The following CHRM2 variants were observed in gnomAD, a reference collection of about 807,000 sequenced individuals.
CHRM2 encodes the protein cholinergic receptor muscarinic 2.
A neutral mutation model predicts 25.0 loss-of-function variants in CHRM2; 8 were observed. The observed-to-expected ratio is 0.32, with a 90% CI of 0.19 to 0.58. The LOEUF is 0.58. Ranked by LOEUF, CHRM2 falls within the 20% of genes least tolerant of loss-of-function variation. The pLI, the probability that CHRM2 is intolerant of heterozygous loss-of-function variation, is 0.88. For missense variants in CHRM2, 440 were observed against 567.1 expected (o/e 0.78, Z 2.28); for synonymous variants, 202 against 205.7 (o/e 0.98, Z 0.15).
At chr7:136,876,152 T>C (rs753892898) in intron 2 of CHRM2, among the ~76,000 whole-genome samples, 101 of 152,194 alleles carry the variant, frequency 6.6e-4, no homozygotes, top group Non-Finnish European at 1.2e-3. Context: ...ATAATAATAA[T>C]GACATTTTTA....
chr7:136,912,012 T>C (rs1227719053), intron 2 of CHRM2, among the ~76,000 whole-genome samples: 1 of 151,946 alleles, frequency 6.6e-6, no homozygotes, highest in East Asian at 1.9e-4. Context: ...TAATGGTGAT[T>C]TCTCATTTTC....
intron 2 of CHRM2, among the ~76,000 whole-genome samples, chr7:136,939,161 A>G (rs950824466): frequency 5.9e-5 from 9 of 152,172 alleles, no homozygotes. Context: ...GCAGAAGGGA[A>G]ACTGCCACAG....
At chr7:136,944,950 A>G (rs1417524297) in intron 2 of CHRM2, among the ~76,000 whole-genome samples, 2 of 151,968 alleles carry the variant, frequency 1.3e-5, no homozygotes, top group South Asian at 4.2e-4. Flanking sequence ...TTCTTGCAGG[A>G]GTAAGGTGGT....
intron 2 of CHRM2, among the ~76,000 whole-genome samples, chr7:136,935,991 C>G (rs1385185736): frequency 6.6e-6 from 1 of 152,118 alleles, no homozygotes; most frequent in Admixed American, 6.5e-5. Context: ...CCTTCCTCTA[C>G]CTTTGGGAAA....
intron 2 of CHRM2, among the ~76,000 whole-genome samples, chr7:136,991,569 T>C (rs1458674099): frequency 2.6e-5 from 4 of 152,146 alleles, no homozygotes; most frequent in Admixed American, 6.6e-5. Flanking sequence ...ATTGTTGAGA[T>C]AGGTACCATA....
chr7:136,969,775 C>A (rs1320199857), intron 2 of CHRM2, among the ~76,000 whole-genome samples: 1 of 152,176 alleles, frequency 6.6e-6, no homozygotes, highest in Admixed American at 6.5e-5. Flanking sequence ...TATTGCTTAT[C>A]ATTTTAACAT....
At position 136,976,697 on chromosome 7, in the gene CHRM2, C is replaced by T. The variant is rs542235586; in HGVS notation, c.-124-15490C>T. On this transcript the variant is annotated intron_variant, in intron 2 of 3. Transcript: ENST00000680005. ...TTGAGGGACTAGACATTAGCAACAA[C>T]AGGAAAGGTCTGCAGGTGACCCTTT... 5.6e-4 allele frequency among the ~76,000 whole-genome samples: 85 copies of T among 152,270 alleles called. 2 individuals are homozygous for T. In the South Asian group the frequency reaches 0.017, roughly 31 times the overall value.
intron 2 of CHRM2, chr7:136,871,538 A>C (rs71541328): frequency 0.13 from 20,075 of 152,840 alleles, 1,479 homozygotes; most frequent in Non-Finnish European, 0.17. Context: ...ATTGTGCGGC[A>C]AAGGCCGCGC....
intron 2 of CHRM2, among the ~76,000 whole-genome samples, chr7:136,964,655 CCTGCCTATGTAGT>C (rs1431321695): frequency 7.2e-5 from 11 of 152,076 alleles, no homozygotes; most frequent in African/African-American, 2.4e-4. Flanking sequence ...ACAGAATTTC[CCTGCCTATGTAGT>C]CTGCCTATGT....
At chr7:136,975,732 T>C (rs1243389798) in intron 2 of CHRM2, among the ~76,000 whole-genome samples, 2 of 152,192 alleles carry the variant, frequency 1.3e-5, no homozygotes, top group Non-Finnish European at 2.9e-5. Flanking sequence ...TGCCTTCACT[T>C]TTGCAAGTTG....
chr7:137,004,544 C>T (rs1019569722), intron 3 of CHRM2, among the ~76,000 whole-genome samples: 1 of 151,980 alleles, frequency 6.6e-6, no homozygotes, highest in African/African-American at 2.4e-5. Context: ...CTGAGGTCTT[C>T]GGAAGAGAGG....
chr7:137,010,612 A>G (rs1804740167), intron 3 of CHRM2, among the ~76,000 whole-genome samples: 1 of 151,998 alleles, frequency 6.6e-6, no homozygotes, highest in Non-Finnish European at 1.5e-5. Flanking sequence ...TCATGCTGAG[A>G]GAAAGAAATG....
intron 2 of CHRM2, among the ~76,000 whole-genome samples, chr7:136,934,061 T>A (rs1437382338): frequency 2.0e-5 from 3 of 152,170 alleles, no homozygotes; most frequent in Non-Finnish European, 4.4e-5. Flanking sequence ...ATCAATGAGT[T>A]GTAGATATTT....
At chr7:136,938,636 A>C in intron 2 of CHRM2, 1 of 839,268 alleles carries the variant, frequency 1.2e-6, no homozygotes, top group Non-Finnish European at 2.1e-6. Context: ...CGAGGAGCTC[A>C]TGCGGGCACA....
At chr7:136,955,657 T>C (rs1245528566) in intron 2 of CHRM2, among the ~76,000 whole-genome samples, 1 of 152,188 alleles carries the variant, frequency 6.6e-6, no homozygotes, top group Non-Finnish European at 1.5e-5. Context: ...AGTTGGAGTA[T>C]ACTAGGACGT....
At position 137,016,288 on chromosome 7, in the gene CHRM2, A is replaced by G. The variant is rs745888860; in HGVS notation, c.*22A>G. The G allele has an allele frequency of 1.2e-6, 2 of 1,604,918 alleles. No homozygotes were observed. The highest frequency in any genetic ancestry group is 1.3e-5 in the African/African-American group (1 of 74,808). ...GTAAAATATCTTTGAAAAAGATAGA[A>G]GGTGGGCAAGGGGAGCTTGAGAAGA... is the stretch of plus-strand genomic sequence containing the variant. On this transcript the variant is annotated 3_prime_UTR_variant, in exon 4 of 4. Coordinates refer to ENST00000680005, the MANE Select transcript of CHRM2 (RefSeq NM_001006630.2).
chr7:137,019,470 G>A lies in CHRM2; in HGVS notation c.*3204G>A, dbSNP rs1033662418. 1 of 151,822 alleles carries A rather than the reference G, an allele frequency of 6.6e-6. No homozygotes were observed. Among genetic ancestry groups the A allele is most frequent in the African/African-American group, 2.4e-5 (1 of 41,386 alleles). 9.4% of individuals were successfully genotyped at this position (151,822 alleles called of 1,614,324 possible). ...GTTGATATGATCAGTTTCTACTGGA[G>A]CTGCAATTTTTCCTTTCAAAAAATA... On this transcript the variant is annotated 3_prime_UTR_variant, in exon 4 of 4. Coordinates refer to ENST00000680005, the MANE Select transcript of CHRM2 (RefSeq NM_001006630.2).
At chr7:136,970,917 G>A (rs539706361) in intron 2 of CHRM2, among the ~76,000 whole-genome samples, 2 of 152,146 alleles carry the variant, frequency 1.3e-5, no homozygotes, top group Non-Finnish European at 2.9e-5. Context: ...ATGAGATGGG[G>A]TGAATCAATG....
chr7:136,903,646 A>C (rs1053535984), intron 2 of CHRM2, among the ~76,000 whole-genome samples: 10 of 151,926 alleles, frequency 6.6e-5, no homozygotes, highest in Non-Finnish European at 1.3e-4. Context: ...TGGATTTCTA[A>C]AGTTGGTGTA....
Sources: gnomAD v4.1 joint callset for allele counts (sites outside exome capture counted in the v4.1 genomes callset) on GRCh38, gnomAD v4.1.1 for gene constraint, MANE v1.5 for transcripts, NCBI Gene and HGNC (gene_info 2026-07-23, HGNC 2026-07-21) for gene names.